TMPRSS11F: variants seen among roughly 807,000 people sequenced by gnomAD.
TMPRSS11F encodes the protein transmembrane protease serine 11F.
TMPRSS11F carries 47 observed loss-of-function variants against 60.2 expected under a neutral mutation model. That is an observed-to-expected ratio of 0.78 (90% CI 0.62 to 1.00). The LOEUF (loss-of-function observed/expected upper bound fraction) is 1.00, where lower values mean the gene tolerates loss of function less well. Ranked by LOEUF, TMPRSS11F falls within the 50% of genes least tolerant of loss-of-function variation. The pLI, the probability that TMPRSS11F is intolerant of heterozygous loss-of-function variation, is 0.00. For synonymous variants in TMPRSS11F, 166 were observed against 167.3 expected (o/e 0.99, Z 0.06); for missense variants, 519 against 522.9 (o/e 0.99, Z 0.07).
In TMPRSS11F at chr4:68,060,718, C is replaced by T. The variant is rs1459774475; in HGVS notation, c.1016-1250G>A. On this transcript the variant is annotated intron_variant, in intron 8 of 9. Coordinates refer to ENST00000356291, the MANE Select transcript of TMPRSS11F (RefSeq NM_207407.2). ...TTAATGCAGCCCTGTAAAACACATT[C>T]TCAAACCTCATGTCATCCAATATAC... Among the ~76,000 whole-genome samples the T allele has an allele frequency of 3.3e-5, 5 of 151,388 alleles. No homozygotes were observed. In the East Asian group the frequency reaches 9.7e-4, roughly 29 times the overall value.
rs1010652150 is a variant in TMPRSS11F at position 68,058,694 on chromosome 4, C to T, written c.1158+632G>A. The stretch of plus-strand genomic sequence containing the variant: ...ACAAAGAAAGGACACAAGGAATGTA[C>T]ATGTAGGTTGTGCATGTTGGGAATG... On this transcript the variant is annotated intron_variant, in intron 9 of 9. Coordinates refer to ENST00000356291, the MANE Select transcript of TMPRSS11F (RefSeq NM_207407.2). Among the ~76,000 whole-genome samples, 5 of 152,084 alleles carry T rather than the reference C, an allele frequency of 3.3e-5. No individual in the cohort carries two copies. In the South Asian group the frequency reaches 1.0e-3, roughly 32 times the overall value.
At chr4:68,054,184 AG>A in intron 9 of TMPRSS11F, 117 bp from the exon 10 acceptor site, 1 of 837,210 alleles carries the variant, frequency 1.2e-6, no homozygotes, top group Non-Finnish European at 1.8e-6. Flanking sequence ...GCCAGACTAC[AG>A]ACTATATAAT....
At chr4:68,100,376 T>A (rs940647997) in intron 1 of TMPRSS11F, among the ~76,000 whole-genome samples, 3 of 152,106 alleles carry the variant, frequency 2.0e-5, no homozygotes, top group African/African-American at 7.2e-5. Context: ...CAGATGTGAA[T>A]GAGGATGGGG....
intron 3 of TMPRSS11F, among the ~76,000 whole-genome samples, chr4:68,082,948 G>A (rs1007551218): frequency 5.3e-5 from 8 of 152,192 alleles, no homozygotes; most frequent in Non-Finnish European, 1.2e-4. Context: ...GAAGGCTTGG[G>A]ACAAAACCAG....
chr4:68,124,550 T>C (rs1472813670), intron 1 of TMPRSS11F, among the ~76,000 whole-genome samples: 9 of 152,218 alleles, frequency 5.9e-5, no homozygotes, highest in African/African-American at 2.2e-4. Flanking sequence ...TTAGTTTTTA[T>C]TGATTCATTG....
At position 68,109,104 on chromosome 4, in the gene TMPRSS11F, A is replaced by C. The variant is rs369532469; in HGVS notation, c.12-10066T>G. On this transcript the variant is annotated intron_variant, in intron 1 of 9. Transcript: ENST00000356291. ...CATTCCCAAAGTTTGCATCTCCTAC[A>C]CTAACTATATTTTCTTAGGAACATT... 4.6e-5 allele frequency among the ~76,000 whole-genome samples: 7 copies of C among 152,306 alleles called. No individual in the cohort carries two copies. In the East Asian group the frequency reaches 7.7e-4, roughly 17 times the overall value.
At chr4:68,065,470 G>T (rs1049217924) in intron 7 of TMPRSS11F, among the ~76,000 whole-genome samples, 12 of 152,124 alleles carry the variant, frequency 7.9e-5, no homozygotes, top group Non-Finnish European at 2.9e-5. Context: ...CTAACTCAAA[G>T]TCAGCTCCTA....
intron 6 of TMPRSS11F, among the ~76,000 whole-genome samples, chr4:68,069,101 G>A (rs1723398392): frequency 6.6e-6 from 1 of 152,132 alleles, no homozygotes; most frequent in Non-Finnish European, 1.5e-5. Context: ...TAGATCCTCT[G>A]CTATGTGTCT....
intron 7 of TMPRSS11F, among the ~76,000 whole-genome samples, chr4:68,065,857 CCT>C (rs1458930340): frequency 6.6e-6 from 1 of 151,990 alleles, no homozygotes; most frequent in East Asian, 1.9e-4. Flanking sequence ...GTGGCTCATG[CCT>C]GTAATCCCAG....
chr4:68,103,708 T>C (rs1377456868), intron 1 of TMPRSS11F, among the ~76,000 whole-genome samples: 1 of 152,120 alleles, frequency 6.6e-6, no homozygotes, highest in Non-Finnish European at 1.5e-5. Flanking sequence ...GCCAATGAGA[T>C]TTCGATAGGG....
At chr4:68,117,248 A>G (rs1044334049) in intron 1 of TMPRSS11F, among the ~76,000 whole-genome samples, 5 of 152,132 alleles carry the variant, frequency 3.3e-5, no homozygotes, top group African/African-American at 1.2e-4. Flanking sequence ...GGGGCGGATC[A>G]CGAGGTCAGG....
chr4:68,119,252 A>T (rs1724579583), intron 1 of TMPRSS11F, among the ~76,000 whole-genome samples: 1 of 152,030 alleles, frequency 6.6e-6, no homozygotes, highest in Non-Finnish European at 1.5e-5. Flanking sequence ...ATTCTGAAGC[A>T]AGCAGAAGTT....
intron 1 of TMPRSS11F, among the ~76,000 whole-genome samples, chr4:68,106,281 G>A (rs1291459217): frequency 6.6e-6 from 1 of 152,152 alleles, no homozygotes; most frequent in Non-Finnish European, 1.5e-5. Context: ...TTCTATGGTA[G>A]GTCTATTGGC....
At position 68,104,198 on chromosome 4, in the gene TMPRSS11F, C is replaced by A. The variant is rs372893196; in HGVS notation, c.12-5160G>T. On this transcript the variant is annotated intron_variant, in intron 1 of 9. Coordinates refer to ENST00000356291, the MANE Select transcript of TMPRSS11F (RefSeq NM_207407.2). ...GTTGAACAGAAGTGGCAAGAGTGGG[C>A]ATTCTTGCTTTTTACAGATGTTGGT... 7.9e-5 allele frequency among the ~76,000 whole-genome samples: 12 copies of A among 152,272 alleles called. No individual in the cohort carries two copies. In the East Asian group the frequency reaches 1.7e-3, roughly 22 times the overall value.
intron 5 of TMPRSS11F, 121 bp from the exon 6 acceptor site, chr4:68,070,128 T>C (rs2109842969): frequency 1.4e-6 from 1 of 709,484 alleles, no homozygotes. Flanking sequence ...TTCAAGAGAA[T>C]ATGAGATTTT....
intron 4 of TMPRSS11F, among the ~76,000 whole-genome samples, chr4:68,072,772 C>A (rs901809843): frequency 6.6e-6 from 1 of 151,994 alleles, no homozygotes; most frequent in Non-Finnish European, 1.5e-5. Flanking sequence ...GAGGGGTTTG[C>A]GGGCGGAGAT....
At chr4:68,105,734 T>C (rs977404403) in intron 1 of TMPRSS11F, among the ~76,000 whole-genome samples, 1 of 152,186 alleles carries the variant, frequency 6.6e-6, no homozygotes, top group Non-Finnish European at 1.5e-5. Context: ...ATAATTACTG[T>C]TAAAGTTACT....
intron 8 of TMPRSS11F, among the ~76,000 whole-genome samples, chr4:68,064,424 T>G (rs1437931295): frequency 6.6e-6 from 1 of 152,096 alleles, no homozygotes; most frequent in Non-Finnish European, 1.5e-5. Flanking sequence ...TGACCTCAGG[T>G]GATCCGCCAG....
intron 1 of TMPRSS11F, among the ~76,000 whole-genome samples, chr4:68,110,809 T>C (rs1169240339): frequency 6.6e-6 from 1 of 152,174 alleles, no homozygotes; most frequent in Non-Finnish European, 1.5e-5. Context: ...CCAAATGTCT[T>C]TGTTCCTCTT....
Sources: allele counts gnomAD v4.1 joint callset (sites outside exome capture counted in the v4.1 genomes callset), GRCh38; gene constraint gnomAD v4.1.1; transcripts MANE v1.5; gene names NCBI Gene and HGNC (gene_info 2026-07-23, HGNC 2026-07-21).